PHACTR2: variants seen among roughly 807,000 people sequenced by gnomAD.
PHACTR2 encodes the protein chromosome 6 open reading frame 56.
In PHACTR2, 30 loss-of-function variants were observed where a neutral mutation model predicts 76.0. The observed-to-expected ratio is 0.39, with a 90% CI of 0.30 to 0.54. The LOEUF (loss-of-function observed/expected upper bound fraction) is 0.54. Ranked by LOEUF, PHACTR2 falls within the 20% of genes least tolerant of loss-of-function variation. The probability of loss-of-function intolerance (pLI) is 0.61; values close to 1 mark genes in which losing one functional copy is unlikely to be tolerated. For missense variants in PHACTR2, 696 were observed against 781.1 expected, an observed-to-expected ratio of 0.89 and a Z score of 1.30; for synonymous variants, 292 against 292.5, an observed-to-expected ratio of 1.00 and a Z score of 0.02.
rs539595226 is a variant in PHACTR2 at position 143,661,615 on chromosome 6, G to A, written c.14-50401G>A. Among the ~76,000 whole-genome samples the A allele has an allele frequency of 2.7e-5, 4 of 145,712 alleles. No individual in the cohort carries two copies. In the East Asian group the frequency reaches 8.0e-4, roughly 29 times the overall value. The stretch of plus-strand genomic sequence containing the variant: ...CTCGCTCTGTCACCCAAGCTGGAAT[G>A]TGGCACAATCTCGGCTCACTACAAC... On this transcript the variant is annotated intron_variant, in intron 1 of 11. Transcript: ENST00000305766.
At chr6:143,566,791 C>T (rs9484768) in intron 1 of PHACTR2, among the ~76,000 whole-genome samples, 91,673 of 149,160 alleles carry the variant, frequency 0.61, 28,420 homozygotes, top group Middle Eastern at 0.72. Context: ...ATTTTTCCCA[C>T]AAATATTTCA....
chr6:143,692,344 G>A (rs1777663901), intron 1 of PHACTR2, among the ~76,000 whole-genome samples: 1 of 152,166 alleles, frequency 6.6e-6, no homozygotes, highest in African/African-American at 2.4e-5. Context: ...GAAAGAGCCG[G>A]GTGAGAATGG....
Position 143,782,726 on chromosome 6 carries a change from TTTGG to T in PHACTR2, c.1646-488_1646-485del, listed in dbSNP as rs930171676. Among the ~76,000 whole-genome samples the T allele has an allele frequency of 8.5e-5, 13 of 152,242 alleles. No individual in the cohort carries two copies. The East Asian group carries it at 2.5e-3, about 29-fold the overall frequency. On this transcript the variant is annotated intron_variant, in intron 9 of 12. Transcript: ENST00000440869. This position sits in a 1 kb window ranked among gnomAD's most constrained non-coding sequence, Gnocchi z 4.6. The stretch of plus-strand genomic sequence containing the variant: ...AAACGAAGGAAGACAAATCAAATAT[TTTGG>T]TTGGATTTGAGTGGAAATCAGCAGC...
Position 143,765,458 on chromosome 6 carries a change from G to A in PHACTR2, c.892G>A (p.Gly298Ser). 6.2e-7 allele frequency: 1 copy of A among 1,614,180 alleles called. No homozygotes were observed. Among genetic ancestry groups the A allele is most frequent in the African/African-American group, 1.3e-5 (1 of 75,040 alleles). ...CCTGTCCTCAGACACAACAACTTCT[G>A]GCACATCCGACCTGAAAGGAGAGCC... ...SHLSSDTTTS[G>S]TSDLKGEPAE... Residue 298 changes from glycine (G) to serine (S), a missense_variant, in exon 6 of 13, where the codon GGC (glycine) becomes AGC (serine). Gly to Ser is a moderately conservative substitution (Grantham distance 56, BLOSUM62 0). Around this residue, in one of 2 missense-constraint regions of PHACTR2, gnomAD observed 460 missense variants for 450.9 expected, o/e 1.02. Transcript: ENST00000440869. The surrounding 1 kb of genome is among the most constrained non-coding windows in gnomAD (Gnocchi z 4.1).
intron 2 of PHACTR2, among the ~76,000 whole-genome samples, chr6:143,732,650 C>T (rs1778725580): frequency 6.6e-6 from 1 of 152,000 alleles, no homozygotes; most frequent in South Asian, 2.1e-4. Context: ...TGGTTATATA[C>T]CTAGAAATGG....
intron 1 of PHACTR2, among the ~76,000 whole-genome samples, chr6:143,540,578 C>A (rs1247688140): frequency 6.6e-6 from 1 of 152,060 alleles, no homozygotes; most frequent in Non-Finnish European, 1.5e-5. Context: ...CCAAGAGAAT[C>A]GGCTTCCCCT....
At chr6:143,655,270 T>A (rs573299534) in intron 1 of PHACTR2, among the ~76,000 whole-genome samples, 7 of 152,128 alleles carry the variant, frequency 4.6e-5, no homozygotes, top group Non-Finnish European at 8.8e-5. Context: ...ATAGGCAAAT[T>A]CCTAGAGAAA....
In PHACTR2 at chr6:143,732,004, A is replaced by G. The variant is rs138734064; in HGVS notation, c.215-16981A>G. On this transcript the variant is annotated intron_variant, in intron 2 of 12. Coordinates refer to ENST00000440869, the MANE Select transcript of PHACTR2 (RefSeq NM_001100164.2). ...TGAAACTTTTCCTCTAGATTTCTTT[A>G]TGGTTAACCAACTGCCTTATCTCCT... 3.2e-3 allele frequency among the ~76,000 whole-genome samples: 494 copies of G among 152,290 alleles called. 8 individuals carry two copies. The East Asian group carries it at 0.053, about 16-fold the overall frequency.
chr6:143,711,017 G>A (rs1475585251), intron 1 of PHACTR2: 1 of 516,056 alleles, frequency 1.9e-6, no homozygotes, highest in African/African-American at 1.9e-5. Context: ...AGACTTCACT[G>A]TCAGTTTACG....
chr6:143,540,483 GCAAA>G (rs890730330), intron 1 of PHACTR2, among the ~76,000 whole-genome samples: 11 of 152,246 alleles, frequency 7.2e-5, no homozygotes, highest in African/African-American at 2.4e-4. Flanking sequence ...GCCCACTGCT[GCAAA>G]CAGTCAGTCT....
chr6:143,685,621 T>C (rs922252749), intron 1 of PHACTR2, among the ~76,000 whole-genome samples: 10 of 150,376 alleles, frequency 6.7e-5, no homozygotes, highest in Non-Finnish European at 1.3e-4. Flanking sequence ...AACTTGCCTA[T>C]GTTACCTGAC....
chr6:143,763,101 G>A (rs1177508705), intron 5 of PHACTR2, among the ~76,000 whole-genome samples: 1 of 152,208 alleles, frequency 6.6e-6, no homozygotes, highest in African/African-American at 2.4e-5. Context: ...ACTCACACCT[G>A]TAATCCCAGC....
intron 2 of PHACTR2, among the ~76,000 whole-genome samples, chr6:143,717,087 C>A (rs553482876): frequency 6.6e-6 from 1 of 152,292 alleles, no homozygotes; most frequent in Admixed American, 6.5e-5. Context: ...CCCAAACTGA[C>A]CTTATCTTTT....
rs1778989087 is a variant in PHACTR2 at position 143,743,445 on chromosome 6, C to G, written c.215-5540C>G. 6.6e-6 allele frequency among the ~76,000 whole-genome samples: 1 copy of G among 152,158 alleles called. No homozygotes were observed. Among genetic ancestry groups the G allele is most frequent in the African/African-American group, 2.4e-5 (1 of 41,444 alleles). On this transcript the variant is annotated intron_variant, in intron 2 of 12. Transcript: ENST00000440869. This position sits in a 1 kb window ranked among gnomAD's most constrained non-coding sequence, Gnocchi z 5.0. ...CTGGAGCAGATAAACAAAAAAATCG[C>G]CAGACCCCTGAGTGTTTTTAGGTGG...
At position 143,780,383 on chromosome 6, in the gene PHACTR2, A is replaced by G. The variant is rs1010319955; in HGVS notation, c.1646-2836A>G. On this transcript the variant is annotated intron_variant, in intron 9 of 12. Transcript: ENST00000440869. This position sits in a 1 kb window ranked among gnomAD's most constrained non-coding sequence, Gnocchi z 4.4. ...TCCCAAAGCCTTGTGAGGCCAAGGC[A>G]GGAGAATTGCTTGATGCCAGGAGTT... 4.6e-4 allele frequency among the ~76,000 whole-genome samples: 70 copies of G among 152,174 alleles called. No individual in the cohort carries two copies. The highest frequency in any genetic ancestry group is 1.6e-3 in the African/African-American group (68 of 41,442).
chr6:143,788,898 A>T lies in PHACTR2; in HGVS notation c.1833A>T (p.Thr611=). Residue 611 remains threonine, a synonymous_variant, in exon 11 of 13, where the codon ACA becomes ACT. Coordinates refer to ENST00000440869, the MANE Select transcript of PHACTR2 (RefSeq NM_001100164.2). ...CAGACAAGCCCTGGGCCAGGTTAAC[A>T]CCTGCAGACAAGGCAAGAATCCCAG... ...RRADKPWARL[T]PADKAAIRKE... The T allele has an allele frequency of 6.2e-7, 1 of 1,609,794 alleles. No homozygotes were observed. Among genetic ancestry groups the T allele is most frequent in the Non-Finnish European group, 8.5e-7 (1 of 1,176,494 alleles).
At chr6:143,564,492 G>A (rs1479575176) in intron 1 of PHACTR2, among the ~76,000 whole-genome samples, 1 of 151,926 alleles carries the variant, frequency 6.6e-6, no homozygotes, top group Non-Finnish European at 1.5e-5. Context: ...ACATTTGCTA[G>A]GATTTTGTAT....
chr6:143,718,882 T>TTG, intron 2 of PHACTR2, among the ~76,000 whole-genome samples: 1 of 145,468 alleles, frequency 6.9e-6, no homozygotes, highest in Non-Finnish European at 1.5e-5. Context: ...AGTGTTTTTT[T>TTG]TTTTTTTTTT....
intron 1 of PHACTR2, among the ~76,000 whole-genome samples, chr6:143,631,330 A>G (rs937718033): frequency 6.6e-6 from 1 of 152,108 alleles, no homozygotes; most frequent in Non-Finnish European, 1.5e-5. Context: ...AGCTAGGACC[A>G]CAGGTGCAGA....
Sources: gnomAD v4.1 joint callset for allele counts (sites outside exome capture counted in the v4.1 genomes callset) on GRCh38, gnomAD v4.1.1 for gene constraint, gnomAD v4.1.1 regional missense constraint, Gnocchi (gnomAD v3.1) non-coding constraint, MANE v1.5 for transcripts, NCBI Gene and HGNC (gene_info 2026-07-23, HGNC 2026-07-21) for gene names.